LPIN2: variants seen among roughly 807,000 people sequenced by gnomAD.
LPIN2 encodes the protein phosphatidate phosphatase LPIN2.
LPIN2 carries 55 observed loss-of-function variants against 111.4 expected under a neutral mutation model. The ratio of observed to expected loss-of-function variants is 0.49; its 90% CI spans 0.40 to 0.62. The LOEUF (loss-of-function observed/expected upper bound fraction) is 0.62. Among genes scored for constraint, LPIN2 ranks in the 20% least tolerant of loss-of-function variants. LPIN2 has a pLI of 0.00. For synonymous variants in LPIN2, 425 were observed against 414.0 expected (o/e 1.03, Z -0.32); for missense variants, 992 against 1,112.1 (o/e 0.89, Z 1.54).
At chr18:2,934,255 C>T in intron 8 of LPIN2, 96 bp downstream of exon 8, 1 of 921,388 alleles carries the variant, frequency 1.1e-6, no homozygotes, top group Non-Finnish European at 1.7e-6. Flanking sequence ...TAAAGGACAC[C>T]ATCATCTTGT....
At chr18:3,002,690 A>T (rs879394945) in intron 1 of LPIN2, among the ~76,000 whole-genome samples, 4 of 152,244 alleles carry the variant, frequency 2.6e-5, no homozygotes, top group Non-Finnish European at 4.4e-5. Flanking sequence ...AGAAATTCTA[A>T]GCAAACACAT....
Position 2,923,656 on chromosome 18 carries a change from G to A in LPIN2, c.2174+119C>T, listed in dbSNP as rs574901798. 8.9e-5 allele frequency: 79 copies of A among 882,704 alleles called. No individual in the cohort carries two copies. In the African/African-American group the frequency reaches 9.2e-4, roughly 10 times the overall value. The allele number at this position is 882,704 out of a possible 1,614,324, so 54.7% of individuals were successfully genotyped here. ...CAACAGGAAAGGAGTGAGGAAGAGC[G>A]GGAATGCTTCAGCATAAACACATGA... On this transcript the variant is annotated intron_variant, in intron 16 of 19. Coordinates refer to ENST00000677752, the MANE Select transcript of LPIN2 (RefSeq NM_001375808.2).
intron 11 of LPIN2, among the ~76,000 whole-genome samples, chr18:2,928,358 G>T (rs1178150101): frequency 6.6e-6 from 1 of 152,088 alleles, no homozygotes; most frequent in Non-Finnish European, 1.5e-5. Flanking sequence ...TCAGAAACTA[G>T]TATTTATGTC....
intron 1 of LPIN2, chr18:2,982,746 C>T (rs1246158621): frequency 7.7e-7 from 1 of 1,301,318 alleles, no homozygotes. Flanking sequence ...CCTCATCTTC[C>T]TTGTCATCTT....
intron 4 of LPIN2, among the ~76,000 whole-genome samples, chr18:2,942,308 C>T (rs933560290): frequency 6.6e-6 from 1 of 152,090 alleles, no homozygotes; most frequent in African/African-American, 2.4e-5. Flanking sequence ...CTCTATTTCT[C>T]AATAAAGGAA....
In LPIN2 at chr18:2,925,159, G is replaced by A; in HGVS notation, c.1938+65C>T. The A allele has an allele frequency of 6.3e-7, 1 of 1,581,394 alleles. No homozygotes were observed. Among genetic ancestry groups the A allele is most frequent in the South Asian group, 1.1e-5 (1 of 90,292 alleles). On this transcript the variant is annotated intron_variant, in intron 14 of 19. Transcript: ENST00000677752. The surrounding 1 kb of genome is among the most constrained non-coding windows in gnomAD (Gnocchi z 4.1). Reference sequence around the variant, plus strand: ...TGGGGACGTGTGGACAGAAGAGGATGTGCATCAAATTAAACCATTACTAAA... The same window carrying A: ...TGGGGACGTGTGGACAGAAGAGGATATGCATCAAATTAAACCATTACTAAA...
chr18:2,998,390 C>G (rs539277506), intron 1 of LPIN2, among the ~76,000 whole-genome samples: 1 of 152,334 alleles, frequency 6.6e-6, no homozygotes, highest in Admixed American at 6.5e-5. Flanking sequence ...ACTTGAAAGT[C>G]AGAAAACAAG....
intron 1 of LPIN2, among the ~76,000 whole-genome samples, chr18:2,974,178 A>G (rs778262682): frequency 2.6e-5 from 4 of 152,062 alleles, no homozygotes; most frequent in African/African-American, 4.8e-5. Context: ...CCAGGTTCAC[A>G]CCATTCTCCT....
intron 1 of LPIN2, among the ~76,000 whole-genome samples, chr18:2,979,405 C>T (rs1181080283): frequency 6.6e-6 from 1 of 152,148 alleles, no homozygotes; most frequent in African/African-American, 2.4e-5. Flanking sequence ...TGGATATCTG[C>T]CCAGCTGTGT....
At chr18:3,003,915 GAATTC>G (rs2078471713) in intron 1 of LPIN2, among the ~76,000 whole-genome samples, 1 of 152,184 alleles carries the variant, frequency 6.6e-6, no homozygotes, top group Non-Finnish European at 1.5e-5. Flanking sequence ...AGATATCGCT[GAATTC>G]TTTTCCCAGC....
chr18:3,006,604 G>C (rs148754550), intron 1 of LPIN2, among the ~76,000 whole-genome samples: 6,827 of 152,224 alleles, frequency 0.045, 494 homozygotes, highest in African/African-American at 0.16. Flanking sequence ...TTGGGAGGCC[G>C]AGGCAGGGAG....
chr18:3,007,235 T>C (rs577662309), intron 1 of LPIN2, among the ~76,000 whole-genome samples: 2 of 152,234 alleles, frequency 1.3e-5, no homozygotes, highest in African/African-American at 4.8e-5. Context: ...GCAGTGGTGC[T>C]ATCTTGGCTC....
Position 2,938,013 on chromosome 18 carries a change from G to A in LPIN2, c.847C>T (p.His283Tyr), listed in dbSNP as rs200426834. 5.0e-6 allele frequency: 8 copies of A among 1,613,868 alleles called. No individual in the cohort carries two copies. In the Admixed American group the frequency reaches 1.2e-4, roughly 24 times the overall value. The part of the protein sequence containing the change: ...TKVSKRERSD[H>Y]HPRTATITPS... ...GTAATTGTAGCTGTCCTAGGATGAT[G>A]GTCAGATCGTTCTCTTTTGCTGACC... Residue 283 changes from histidine (H) to tyrosine (Y), a missense_variant, in exon 7 of 20, where the codon CAT becomes TAT. Coordinates refer to ENST00000677752, the MANE Select transcript of LPIN2 (RefSeq NM_001375808.2).
chr18:3,007,604 T>C (rs556918633), intron 1 of LPIN2, among the ~76,000 whole-genome samples: 1 of 152,266 alleles, frequency 6.6e-6, no homozygotes, highest in Admixed American at 6.5e-5. Context: ...ATATATTATA[T>C]CCCCTATAAT....
chr18:2,946,128 C>T, intron 4 of LPIN2: 1 of 1,595,018 alleles, frequency 6.3e-7, no homozygotes, highest in Non-Finnish European at 8.6e-7. Flanking sequence ...TCTTCATTCC[C>T]TGATGACAGT....
intron 2 of LPIN2, 67 bp from the exon 3 acceptor site, chr18:2,954,666 ACT>A (rs2077583274): frequency 1.8e-6 from 2 of 1,096,188 alleles, no homozygotes; most frequent in Non-Finnish European, 2.8e-6. Context: ...CTAAACCAGA[ACT>A]CTGAGTTCTC....
chr18:2,925,098 C>CT lies in LPIN2; in HGVS notation c.1938+125_1938+126insA. ...CGGTCGTGGTTCCACTGTGGATAGGCATTGACACGACCATGCCGTGTGGCG... is the reference window on the plus strand; with the variant it reads ...CGGTCGTGGTTCCACTGTGGATAGGCTATTGACACGACCATGCCGTGTGGCG... On this transcript the variant is annotated intron_variant, in intron 14 of 19. Coordinates refer to ENST00000677752, the MANE Select transcript of LPIN2 (RefSeq NM_001375808.2). The surrounding 1 kb of genome is among the most constrained non-coding windows in gnomAD (Gnocchi z 4.1). The CT allele has an allele frequency of 8.0e-7, 1 of 1,254,244 alleles. No individual in the cohort carries two copies. The highest frequency in any genetic ancestry group is 1.1e-6 in the Non-Finnish European group (1 of 878,318). The allele number at this position is 1,254,244 out of a possible 1,614,324, so 77.7% of individuals were successfully genotyped here.
At chr18:3,003,246 C>T (rs2078460960) in intron 1 of LPIN2, among the ~76,000 whole-genome samples, 1 of 152,196 alleles carries the variant, frequency 6.6e-6, no homozygotes, top group South Asian at 2.1e-4. Flanking sequence ...CTAAGTAAAG[C>T]ACCACTAAAA....
chr18:2,943,117 G>C (rs1355703278), intron 4 of LPIN2, among the ~76,000 whole-genome samples: 1 of 152,090 alleles, frequency 6.6e-6, no homozygotes, highest in East Asian at 1.9e-4. Flanking sequence ...AGGTTACATG[G>C]ATGTATATGA....
Sources: gnomAD v4.1 joint callset for allele counts (sites outside exome capture counted in the v4.1 genomes callset) on GRCh38, gnomAD v4.1.1 for gene constraint, Gnocchi (gnomAD v3.1) non-coding constraint, MANE v1.5 for transcripts, NCBI Gene and HGNC (gene_info 2026-07-23, HGNC 2026-07-21) for gene names.